RNF122: variants seen among roughly 807,000 people sequenced by gnomAD.
RNF122 encodes ring finger protein 122.
In RNF122, 17 loss-of-function variants were observed where a neutral mutation model predicts 24.2. That is an observed-to-expected ratio of 0.70 (90% CI 0.48 to 1.06). The LOEUF is 1.06. RNF122 is among the 50% of genes least tolerant of loss of function. The pLI, the probability that RNF122 is intolerant of heterozygous loss-of-function variation, is 0.00. For synonymous variants in RNF122, 65 were observed against 71.8 expected (o/e 0.91, Z 0.48); for missense variants, 168 against 198.1 (o/e 0.85, Z 0.91).
intron 1 of RNF122, among the ~76,000 whole-genome samples, chr8:33,565,984 GC>G (rs1423922937): frequency 6.6e-6 from 1 of 152,180 alleles, no homozygotes; most frequent in Admixed American, 6.5e-5. Context: ...CTCCCAAGTA[GC>G]TGGGCTTACA....
intron 2 of RNF122, among the ~76,000 whole-genome samples, chr8:33,554,550 T>C (rs958548249): frequency 6.6e-6 from 1 of 152,110 alleles, no homozygotes; most frequent in Admixed American, 6.5e-5. Flanking sequence ...GAGATCATGA[T>C]GAAATGTGGC....
At chr8:33,552,291 T>C (rs1810387407) in intron 2 of RNF122, among the ~76,000 whole-genome samples, 3 of 151,830 alleles carry the variant, frequency 2.0e-5, no homozygotes, top group Admixed American at 6.6e-5. Context: ...CCTAGCTACT[T>C]GGGAGACTGA....
rs542441841 is a variant in RNF122, at chr8:33,558,802, G to A, written c.26-31C>T. Reference sequence around the variant, plus strand: ...AAGGGAGAGAAAAAAAAATCATTAGGGTTGGAAATTTACTGCTGGGCTGAT... The same window carrying A: ...AAGGGAGAGAAAAAAAAATCATTAGAGTTGGAAATTTACTGCTGGGCTGAT... On this transcript the variant is annotated intron_variant, in intron 1 of 5. Coordinates refer to ENST00000256257, the MANE Select transcript of RNF122 (RefSeq NM_024787.3). 1.3e-5 allele frequency: 20 copies of A among 1,520,944 alleles called. No individual in the cohort carries two copies. In the Admixed American group the frequency reaches 3.3e-4, roughly 25 times the overall value. 94.2% of individuals were successfully genotyped at this position (1,520,944 alleles called of 1,614,324 possible). A position where few individuals can be genotyped will look rare whatever the true frequency, so the allele number is the denominator to read the frequency against.
intron 1 of RNF122, among the ~76,000 whole-genome samples, chr8:33,559,796 T>C (rs140533860): frequency 2.6e-5 from 4 of 151,408 alleles, no homozygotes; most frequent in African/African-American, 9.7e-5. Flanking sequence ...TAGAAACATA[T>C]ACTCTCGGGT....
chr8:33,558,459 G>A (rs1268688888), intron 2 of RNF122, among the ~76,000 whole-genome samples, 156 bp downstream of exon 2: 3 of 152,062 alleles, frequency 2.0e-5, no homozygotes, highest in Admixed American at 1.3e-4. Context: ...GATCCTCAGG[G>A]GCCTAGAGAA....
intron 2 of RNF122, 127 bp downstream of exon 2, chr8:33,558,488 C>T: frequency 1.5e-6 from 1 of 648,298 alleles, no homozygotes; most frequent in Non-Finnish European, 2.4e-6. Context: ...TCAGCCGTGT[C>T]CTCAAAGTGG....
chr8:33,554,285 G>T (rs991178423), intron 2 of RNF122, among the ~76,000 whole-genome samples: 2 of 152,170 alleles, frequency 1.3e-5, no homozygotes, highest in Non-Finnish European at 2.9e-5. Flanking sequence ...TTAACTGTCT[G>T]GGGAATGAGT....
chr8:33,562,538 C>CAAA (rs33948081), intron 1 of RNF122, among the ~76,000 whole-genome samples: 1 of 131,064 alleles, frequency 7.6e-6, no homozygotes. Flanking sequence ...GACCTTGTCT[C>CAAA]AAAAAAAAAA....
chr8:33,548,853 C>T lies in RNF122; in HGVS notation c.368G>A (p.Trp123Ter). Residue 123 changes from tryptophan (W) to a stop codon, truncating the protein, a stop_gained, in exon 6 of 6, where the codon TGG becomes TAG. Transcript: ENST00000256257. LOFTEE classifies it high-confidence loss of function. The part of the protein sequence containing the change: ...HAFHRKCLVK[W>*]LEVRCVCPMC... The stretch of plus-strand genomic sequence containing the variant: ...GGGGCAGACACAGCGAACTTCCAGC[C>T]ATTTCACCAGACACCTGAGAACAAA... 6.2e-7 allele frequency: 1 copy of T among 1,613,510 alleles called. No individual in the cohort carries two copies. The highest frequency in any genetic ancestry group is 8.5e-7 in the Non-Finnish European group (1 of 1,179,484).
intron 1 of RNF122, among the ~76,000 whole-genome samples, chr8:33,564,570 C>T (rs909005899): frequency 1.1e-5 from 1 of 94,462 alleles, no homozygotes; most frequent in Non-Finnish European, 2.0e-5. Context: ...GAGACCCTCT[C>T]TCAAAAAAAA....
At chr8:33,553,629 G>A (rs1209684259) in intron 2 of RNF122, among the ~76,000 whole-genome samples, 1 of 152,184 alleles carries the variant, frequency 6.6e-6, no homozygotes, top group African/African-American at 2.4e-5. Flanking sequence ...ATAGATGGAT[G>A]ACTGACCCAA....
chr8:33,555,265 T>C (rs1325164387), intron 2 of RNF122, among the ~76,000 whole-genome samples: 3 of 152,102 alleles, frequency 2.0e-5, no homozygotes, highest in Admixed American at 6.6e-5. Flanking sequence ...TGCAATGGCA[T>C]GATCTTAGCT....
chr8:33,557,079 T>C (rs1235168349), intron 2 of RNF122, among the ~76,000 whole-genome samples: 1 of 152,218 alleles, frequency 6.6e-6, no homozygotes, highest in Admixed American at 6.5e-5. Context: ...ATTTGATCAG[T>C]CACCAGCCCA....
Position 33,566,782 on chromosome 8 carries a change from C to G in RNF122, c.-59G>C, listed in dbSNP as rs969833896. The G allele has an allele frequency of 2.6e-6, 4 of 1,538,198 alleles. No individual in the cohort carries two copies. The African/African-American group carries it at 4.1e-5, about 16-fold the overall frequency. The stretch of plus-strand genomic sequence containing the variant: ...GGACGCAGGCGGGGTGCCAGGAGGG[C>G]GGGGTGGGAGCACTAGCGGCGTGAG... On this transcript the variant is annotated 5_prime_UTR_variant, in exon 1 of 6. Coordinates refer to ENST00000256257, the MANE Select transcript of RNF122 (RefSeq NM_024787.3).
At chr8:33,561,005 C>T (rs1423274093) in intron 1 of RNF122, among the ~76,000 whole-genome samples, 2 of 151,714 alleles carry the variant, frequency 1.3e-5, no homozygotes, top group African/African-American at 4.8e-5. Context: ...AGAGGGGAGT[C>T]CTTGATGAAA....
chr8:33,550,363 G>A (rs902265445), intron 4 of RNF122, among the ~76,000 whole-genome samples: 16 of 152,278 alleles, frequency 1.1e-4, no homozygotes, highest in African/African-American at 3.6e-4. Context: ...ACAAAATGAG[G>A]CCACGTCTAG....
chr8:33,555,809 TAAGCGAGC>T (rs1285546123), intron 2 of RNF122, among the ~76,000 whole-genome samples: 1 of 152,158 alleles, frequency 6.6e-6, no homozygotes, highest in African/African-American at 2.4e-5. Context: ...TACTAAGGAT[TAAGCGAGC>T]TAAATGTTTT....
At chr8:33,566,041 C>T (rs189748941) in intron 1 of RNF122, among the ~76,000 whole-genome samples, 1 of 152,252 alleles carries the variant, frequency 6.6e-6, no homozygotes, top group African/African-American at 2.4e-5. Context: ...TTAGTAGAGA[C>T]GGAGTTTCTC....
chr8:33,563,905 A>T (rs1810580513), intron 1 of RNF122, among the ~76,000 whole-genome samples: 1 of 152,130 alleles, frequency 6.6e-6, no homozygotes, highest in South Asian at 2.1e-4. Context: ...TGGTCCCCGC[A>T]AGTCCTCTGA....
Sources: allele counts gnomAD v4.1 joint callset (sites outside exome capture counted in the v4.1 genomes callset), GRCh38; gene constraint gnomAD v4.1.1; transcripts MANE v1.5; gene names NCBI Gene and HGNC (gene_info 2026-07-23, HGNC 2026-07-21).